Variants in PODXL observed in about 807,000 individuals in gnomAD.
PODXL encodes podocalyxin.
Under a neutral mutation model 48.9 loss-of-function variants are expected in PODXL, and 20 were observed. The observed-to-expected ratio is 0.41, with a 90% CI of 0.29 to 0.59. The LOEUF is 0.59. Among genes scored for constraint, PODXL ranks in the 20% least tolerant of loss-of-function variants. PODXL has a pLI of 0.31. For missense variants in PODXL, 606 were observed against 675.1 expected (o/e 0.90, Z 1.13); for synonymous variants, 295 against 287.4 (o/e 1.03, Z -0.27).
At chr7:131,510,781 GC>G (rs142996309) in intron 2 of PODXL, 46 bp downstream of exon 2, 1 of 1,611,142 alleles carries the variant, frequency 6.2e-7, no homozygotes, top group East Asian at 2.2e-5. Context: ...ATCACGCCTG[GC>G]CCTGAAAAGT....
In PODXL at chr7:131,504,212, C is replaced by T; in HGVS notation, c.*99G>A. On this transcript the variant is annotated 3_prime_UTR_variant, in exon 9 of 9. Transcript: ENST00000378555. Reference sequence around the variant, plus strand: ...TTGGGAGGGGACACCCCTCGGAGTTCACTCTCCCTCCCCAGTCTTTCCCTT... The same window carrying T: ...TTGGGAGGGGACACCCCTCGGAGTTTACTCTCCCTCCCCAGTCTTTCCCTT... 6 of 981,992 alleles carry T rather than the reference C, an allele frequency of 6.1e-6. No homozygotes were observed. The South Asian group carries it at 9.0e-5, about 15-fold the overall frequency. 60.8% of individuals were successfully genotyped at this position (981,992 alleles called of 1,614,324 possible). A position where few individuals can be genotyped will look rare whatever the true frequency, so the allele number is the denominator to read the frequency against.
chr7:131,547,360 G>A (rs577134466), intron 1 of PODXL, among the ~76,000 whole-genome samples: 4 of 97,318 alleles, frequency 4.1e-5, no homozygotes, highest in East Asian at 7.2e-4. Flanking sequence ...ACAAACAAGA[G>A]TGAAACTCCG....
intron 1 of PODXL, among the ~76,000 whole-genome samples, 177 bp from the exon 2 acceptor site, chr7:131,511,610 G>T (rs1426860772): frequency 6.6e-6 from 1 of 151,828 alleles, no homozygotes; most frequent in Non-Finnish European, 1.5e-5. Flanking sequence ...TCTTTTTTCT[G>T]TCTTTTTTTT....
At chr7:131,527,230 A>G (rs1798202746) in intron 1 of PODXL, among the ~76,000 whole-genome samples, 1 of 152,236 alleles carries the variant, frequency 6.6e-6, no homozygotes, top group South Asian at 2.1e-4. Context: ...AAGTGATAGC[A>G]TATTCTTCTA....
intron 1 of PODXL, among the ~76,000 whole-genome samples, chr7:131,550,761 G>A (rs1266183307): frequency 3.9e-5 from 6 of 152,010 alleles, no homozygotes; most frequent in East Asian, 1.9e-4. Context: ...ACACGTATGC[G>A]CACATGCACA....
At chr7:131,509,296 A>T (rs757907389) in intron 4 of PODXL, 69 bp downstream of exon 4, 2 of 1,269,674 alleles carry the variant, frequency 1.6e-6, no homozygotes, top group South Asian at 2.4e-5. Flanking sequence ...AAGAACAGAA[A>T]ACCTTGTCTT....
At chr7:131,551,745 G>C (rs1220017521) in intron 1 of PODXL, among the ~76,000 whole-genome samples, 1 of 151,922 alleles carries the variant, frequency 6.6e-6, no homozygotes, top group African/African-American at 2.4e-5. Context: ...GACCTTCCTG[G>C]CTAACATGGT....
intron 1 of PODXL, among the ~76,000 whole-genome samples, chr7:131,513,699 G>C (rs769508025): frequency 3.3e-4 from 50 of 152,166 alleles, no homozygotes; most frequent in Non-Finnish European, 6.6e-4. Flanking sequence ...ACTCATCCTG[G>C]GCCGCAGCGC....
chr7:131,546,284 C>T (rs1798574414), intron 1 of PODXL, among the ~76,000 whole-genome samples: 1 of 152,124 alleles, frequency 6.6e-6, no homozygotes, highest in Admixed American at 6.5e-5. Context: ...AGGGAGTGTA[C>T]AGTGGGCGTG....
chr7:131,526,590 A>T (rs901500166), intron 1 of PODXL, among the ~76,000 whole-genome samples: 2 of 152,102 alleles, frequency 1.3e-5, no homozygotes, highest in African/African-American at 4.8e-5. Flanking sequence ...TTTCATACCC[A>T]TCAGATTGAC....
chr7:131,517,829 T>A (rs1004996568), intron 1 of PODXL, among the ~76,000 whole-genome samples: 1 of 151,970 alleles, frequency 6.6e-6, no homozygotes, highest in Admixed American at 6.6e-5. Context: ...ACCTCCGCTT[T>A]GTGGGTTCAA....
At chr7:131,541,287 G>A (rs886241647) in intron 1 of PODXL, among the ~76,000 whole-genome samples, 14 of 151,694 alleles carry the variant, frequency 9.2e-5, no homozygotes, top group Admixed American at 4.6e-4. Context: ...CACACGATCC[G>A]AATTTCTTTG....
intron 7 of PODXL, 88 bp from the exon 8 acceptor site, chr7:131,506,123 T>G (rs1584806876): frequency 6.6e-7 from 1 of 1,523,430 alleles, no homozygotes; most frequent in Non-Finnish European, 8.9e-7. Context: ...GCTTGCAGTC[T>G]GCTAGGGTCC....
intron 1 of PODXL, among the ~76,000 whole-genome samples, chr7:131,547,977 G>A (rs902012493): frequency 2.6e-5 from 4 of 152,344 alleles, no homozygotes; most frequent in Non-Finnish European, 4.4e-5. Flanking sequence ...GGCCAGTGGG[G>A]GAACCCAGGT....
chr7:131,507,689 C>T (rs1440794088), intron 5 of PODXL, among the ~76,000 whole-genome samples: 4 of 91,976 alleles, frequency 4.3e-5, no homozygotes, highest in Non-Finnish European at 9.7e-5. Flanking sequence ...AAAAGTGTCT[C>T]ACAACAATCA....
intron 2 of PODXL, among the ~76,000 whole-genome samples, 193 bp downstream of exon 2, chr7:131,510,635 C>G (rs1797895806): frequency 6.6e-6 from 1 of 152,048 alleles, no homozygotes; most frequent in Admixed American, 6.5e-5. Flanking sequence ...CCATACCCAG[C>G]TAATGTTTGT....
chr7:131,534,997 A>G (rs1229266233), intron 1 of PODXL, among the ~76,000 whole-genome samples: 1 of 152,188 alleles, frequency 6.6e-6, no homozygotes, highest in African/African-American at 2.4e-5. Context: ...GGTTGCAGTG[A>G]GCCAAGATCG....
intron 1 of PODXL, among the ~76,000 whole-genome samples, chr7:131,543,291 A>C (rs1036332535): frequency 6.6e-6 from 1 of 151,892 alleles, no homozygotes; most frequent in African/African-American, 2.4e-5. Flanking sequence ...ATGCTTGACT[A>C]ATTTTTAAAC....
intron 1 of PODXL, among the ~76,000 whole-genome samples, chr7:131,544,643 G>A (rs551735687): frequency 0.032 from 571 of 17,670 alleles, 2 homozygotes; most frequent in African/African-American, 0.037. Context: ...GCCTCCGCAC[G>A]CACGCCCTGT....
Sources: allele counts gnomAD v4.1 joint callset (sites outside exome capture counted in the v4.1 genomes callset), GRCh38; gene constraint gnomAD v4.1.1; transcripts MANE v1.5; gene names NCBI Gene and HGNC (gene_info 2026-07-23, HGNC 2026-07-21).